Variants in TAF1D observed in about 807,000 individuals in gnomAD.
TAF1D encodes the protein TATA box-binding protein-associated factor RNA polymerase I subunit D.
A neutral mutation model predicts 26.2 loss-of-function variants in TAF1D; 23 were observed. The ratio of observed to expected loss-of-function variants is 0.88; its 90% CI spans 0.63 to 1.25. TAF1D has a LOEUF of 1.25. Ranked by LOEUF, TAF1D falls within the 50% of genes most tolerant of loss-of-function variation. TAF1D has a pLI of 0.00. For missense variants in TAF1D, 299 were observed against 322.0 expected, an observed-to-expected ratio of 0.93 and a Z score of 0.55; for synonymous variants, 100 against 105.6, an observed-to-expected ratio of 0.95 and a Z score of 0.33.
chr11:93,738,138 C>A lies in TAF1D; in HGVS notation c.430G>T (p.Ala144Ser), dbSNP rs200414618. The A allele has an allele frequency of 3.8e-6, 6 of 1,562,594 alleles. No individual in the cohort carries two copies. The highest frequency in any genetic ancestry group is 4.5e-5 in the East Asian group (2 of 44,064). Residue 144 changes from alanine (A) to serine (S), a missense_variant, in exon 3 of 6, where the codon GCA becomes TCA. Physicochemically the swap from Ala to Ser is moderately conservative, Grantham distance 99. Coordinates refer to ENST00000448108, the MANE Select transcript of TAF1D (RefSeq NM_024116.4). ...PFLESENEKN[A>S]PWRKILTFEQ... is the part of the protein sequence containing the mutation. ...AACGTTAAAATTTTTCTCCAAGGTG[C>A]GTTTTTTTCATTCTCTGATTCTAAA...
downstream of TAF1D, chr11:93,733,156 T>G (rs1454540169): frequency 6.0e-6 from 3 of 501,184 alleles, no homozygotes; most frequent in Admixed American, 6.2e-5. Flanking sequence ...TTAGAAAGGA[T>G]ACATTTCCAG....
downstream of TAF1D, chr11:93,734,654 T>C: frequency 1.8e-6 from 2 of 1,087,886 alleles, no homozygotes; most frequent in Non-Finnish European, 2.5e-6. Flanking sequence ...GTTCTCAAGA[T>C]AAAAGCCTTT....
intron 2 of TAF1D, chr11:93,738,975 AG>A: frequency 2.0e-6 from 1 of 489,480 alleles, no homozygotes; most frequent in Non-Finnish European, 3.6e-6. Context: ...ACCGAACCGG[AG>A]GATGTAGTCT....
downstream of TAF1D, chr11:93,733,353 AGC>A (rs766012723): frequency 3.9e-6 from 2 of 519,034 alleles, no homozygotes; most frequent in Non-Finnish European, 7.7e-6. Context: ...AACTTACCTA[AGC>A]GATCACTCAA....
Position 93,735,943 on chromosome 11 carries a change from T to C in TAF1D, c.*218A>G. The C allele has an allele frequency of 7.6e-7, 1 of 1,310,206 alleles. No homozygotes were observed. Among genetic ancestry groups the C allele is most frequent in the South Asian group, 1.9e-5 (1 of 51,782 alleles). The allele number at this position is 1,310,206 out of a possible 1,614,324, so 81.2% of individuals were successfully genotyped here. A position where few individuals can be genotyped will look rare whatever the true frequency, so the allele number is the denominator to read the frequency against. Reference sequence around the variant, plus strand: ...AATTTCTCAAATTTTTCTATGTATTTTCTCTGGTGTTTTAATGGTTTTTTT... The same window carrying C: ...AATTTCTCAAATTTTTCTATGTATTCTCTCTGGTGTTTTAATGGTTTTTTT... On this transcript the variant is annotated 3_prime_UTR_variant, in exon 6 of 6. Coordinates refer to ENST00000448108, the MANE Select transcript of TAF1D (RefSeq NM_024116.4).
chr11:93,735,575 G>A lies in TAF1D; in HGVS notation c.*586C>T. 1.6e-6 allele frequency: 1 copy of A among 607,540 alleles called. No homozygotes were observed. Among genetic ancestry groups the A allele is most frequent in the Non-Finnish European group, 2.1e-6 (1 of 482,062 alleles). 37.6% of individuals were successfully genotyped at this position (607,540 alleles called of 1,614,324 possible). On this transcript the variant is annotated 3_prime_UTR_variant, in exon 6 of 6. Coordinates refer to ENST00000448108, the MANE Select transcript of TAF1D (RefSeq NM_024116.4). ...AATCCCAGCTACTAAGGAGGCTGAG[G>A]CAGAATCGCTTGAACCCGGGAGATG...
chr11:93,736,024 A>T lies in TAF1D; in HGVS notation c.*137T>A. The T allele has an allele frequency of 2.1e-6, 3 of 1,425,490 alleles. No homozygotes were observed. Among genetic ancestry groups the T allele is most frequent in the South Asian group, 3.1e-5 (2 of 63,580 alleles). The allele number at this position is 1,425,490 out of a possible 1,614,324, so 88.3% of individuals were successfully genotyped here. Reference sequence around the variant, plus strand: ...CACAAACTTCTTCACAGGGTTAAAAATTTTTTTTCTTGTTATAAAGTTCTG... The same window carrying T: ...CACAAACTTCTTCACAGGGTTAAAATTTTTTTTTCTTGTTATAAAGTTCTG... On this transcript the variant is annotated 3_prime_UTR_variant, in exon 6 of 6. Transcript: ENST00000448108.
At chr11:93,734,580 C>T, downstream of TAF1D, 1 of 506,202 alleles carries the variant, frequency 2.0e-6, no homozygotes, top group South Asian at 1.5e-5. Flanking sequence ...ATACTGTTTC[C>T]TACACATAAA....
At position 93,735,669 on chromosome 11, in the gene TAF1D, A is replaced by C. The variant is rs572555444; in HGVS notation, c.*492T>G. On this transcript the variant is annotated 3_prime_UTR_variant, in exon 6 of 6. Transcript: ENST00000448108. ...GGGTGACAGATCGAGACTCTGTCTA[A>C]AAAAAATAGTATTAAAGATACTCTA... The C allele has an allele frequency of 1.0e-6, 1 of 999,422 alleles. No individual in the cohort carries two copies. Among genetic ancestry groups the C allele is most frequent in the African/African-American group, 1.7e-5 (1 of 57,318 alleles). The allele number at this position is 999,422 out of a possible 1,614,324, so 61.9% of individuals were successfully genotyped here. A position where few individuals can be genotyped will look rare whatever the true frequency, so the allele number is the denominator to read the frequency against.
downstream of TAF1D, chr11:93,732,539 A>G: frequency 2.2e-6 from 1 of 457,594 alleles, no homozygotes; most frequent in Non-Finnish European, 4.4e-6. Flanking sequence ...CCAAATTTGC[A>G]ATATTGCTGA....
exon 12 of TAF1D, chr11:93,730,315 AT>A: frequency 1.6e-6 from 2 of 1,244,664 alleles, no homozygotes; most frequent in Non-Finnish European, 2.3e-6. Context: ...TATATGTAGC[AT>A]TAGACAAAAT....
At position 93,738,424 on chromosome 11, in the gene TAF1D, G is replaced by C; in HGVS notation, c.144C>G (p.Pro48=). 1 of 1,612,538 alleles carries C rather than the reference G, an allele frequency of 6.2e-7. No individual in the cohort carries two copies. The highest frequency in any genetic ancestry group is 2.2e-5 in the East Asian group (1 of 44,856). Residue 48 remains proline (P), a synonymous_variant, in exon 3 of 6, where the codon CCC becomes CCG. Coordinates refer to ENST00000448108, the MANE Select transcript of TAF1D (RefSeq NM_024116.4). ...PYSPKGEKRN[P]IRKFVRTPES... ...CAGGTGTACGAACAAATTTTCGAAT[G>C]GGGTTTCTTTTCTCCCCTTTAGGTG...
At chr11:93,733,419 T>C (rs752875588), downstream of TAF1D, 8 of 518,704 alleles carry the variant, frequency 1.5e-5, no homozygotes, top group Non-Finnish European at 3.1e-5. Flanking sequence ...AAGTAGATTA[T>C]CTGGTTTTTC....
At chr11:93,732,258 T>C (rs1939275399), downstream of TAF1D, 1 of 480,882 alleles carries the variant, frequency 2.1e-6, no homozygotes, top group Non-Finnish European at 4.1e-6. Context: ...TTACTGTAGG[T>C]GGTGGGGATC....
At chr11:93,735,409 G>A, downstream of TAF1D, 1 of 869,086 alleles carries the variant, frequency 1.2e-6, no homozygotes, top group African/African-American at 1.8e-5. Context: ...TAGGCCAGGT[G>A]CCATGGCTCA....
downstream of TAF1D, chr11:93,732,548 G>A (rs779091137): frequency 2.7e-5 from 12 of 450,400 alleles, no homozygotes; most frequent in Admixed American, 2.3e-4. Flanking sequence ...CAATATTGCT[G>A]AGAAATGCTT....
At chr11:93,740,071 G>C (rs1201212630) in intron 1 of TAF1D, among the ~76,000 whole-genome samples, 1 of 151,710 alleles carries the variant, frequency 6.6e-6, no homozygotes, top group Non-Finnish European at 1.5e-5. Context: ...CACTTTGGGA[G>C]GTCGAGGCGG....
downstream of TAF1D, chr11:93,735,232 G>C: frequency 7.4e-7 from 1 of 1,350,022 alleles, no homozygotes; most frequent in Non-Finnish European, 9.8e-7. Flanking sequence ...ACATACATAA[G>C]TGCAGTCCCA....
chr11:93,730,893 G>A, downstream of TAF1D: 1 of 459,990 alleles, frequency 2.2e-6, no homozygotes, highest in Non-Finnish European at 4.2e-6. Flanking sequence ...AAGAGATCTA[G>A]GAGAATTTTC....
Sources: gnomAD v4.1 joint callset for allele counts (sites outside exome capture counted in the v4.1 genomes callset) on GRCh38, gnomAD v4.1.1 for gene constraint, MANE v1.5 for transcripts, NCBI Gene and HGNC (gene_info 2026-07-23, HGNC 2026-07-21) for gene names.